Variants in TBC1D30 observed in about 807,000 individuals in gnomAD.
TBC1D30 encodes TBC1 domain family member 30.
In TBC1D30, 31 loss-of-function variants were observed where a neutral mutation model predicts 63.2. The observed-to-expected ratio is 0.49, with a 90% CI of 0.37 to 0.66. TBC1D30 has a LOEUF of 0.66. Ranked by LOEUF, TBC1D30 falls within the 30% of genes least tolerant of loss-of-function variation. The pLI, the probability that TBC1D30 is intolerant of heterozygous loss-of-function variation, is 0.00. For synonymous variants in TBC1D30, 307 were observed against 361.5 expected (o/e 0.85, Z 1.71); for missense variants, 810 against 953.6 (o/e 0.85, Z 1.98).
chr12:64,764,058 G>A (rs1402580455), intron 1 of TBC1D30, among the ~76,000 whole-genome samples: 1 of 152,170 alleles, frequency 6.6e-6, no homozygotes, highest in African/African-American at 2.4e-5. Context: ...TTACTTTGTT[G>A]AATAATGTCT....
At chr12:64,858,157 G>T (rs1287036697) in intron 8 of TBC1D30, among the ~76,000 whole-genome samples, 2 of 152,238 alleles carry the variant, frequency 1.3e-5, no homozygotes, top group African/African-American at 4.8e-5. Context: ...CATGAATGGT[G>T]TAAGCTTCCA....
intron 8 of TBC1D30, among the ~76,000 whole-genome samples, chr12:64,849,680 G>A (rs1248353569): frequency 6.6e-6 from 1 of 152,146 alleles, no homozygotes; most frequent in Admixed American, 6.6e-5. Flanking sequence ...CTGTAGCCTT[G>A]TAGTATAGTT....
In TBC1D30 at chr12:64,877,814, G is replaced by T. The variant is rs1446346883; in HGVS notation, c.*2026G>T. 6.6e-6 allele frequency: 1 copy of T among 152,368 alleles called. No homozygotes were observed. The highest frequency in any genetic ancestry group is 1.5e-5 in the Non-Finnish European group (1 of 68,180). 9.4% of individuals were successfully genotyped at this position (152,368 alleles called of 1,614,324 possible). On this transcript the variant is annotated 3_prime_UTR_variant, in exon 12 of 12. Transcript: ENST00000539867. ...TCTTTGCCCCTTCTCAAATGAGTCA[G>T]AATAGTCATGTTCCCCTTGAGGGAT... is the stretch of plus-strand genomic sequence containing the variant.
chr12:64,841,167 A>T (rs1875834270), intron 7 of TBC1D30, among the ~76,000 whole-genome samples: 1 of 152,254 alleles, frequency 6.6e-6, no homozygotes, highest in African/African-American at 2.4e-5. Flanking sequence ...AAAACCATAA[A>T]AGCATATAGG....
rs1874555079 is a variant in TBC1D30, at chr12:64,828,432, C to T, written c.217-12C>T. The T allele has an allele frequency of 3.9e-6, 6 of 1,533,754 alleles. No individual in the cohort carries two copies. Among genetic ancestry groups the T allele is most frequent in the Non-Finnish European group, 5.2e-6 (6 of 1,144,956 alleles). ...CTGTGATCACCTCCTGGGATTTCTT[C>T]TTTGTTCCTAGTGGTACGATGCTCT... On this transcript the variant is annotated splice_polypyrimidine_tract_variant and intron_variant, in intron 2 of 11. Coordinates refer to ENST00000539867, the MANE Select transcript of TBC1D30 (RefSeq NM_015279.2).
intron 2 of TBC1D30, among the ~76,000 whole-genome samples, chr12:64,812,478 C>T (rs1438406241): frequency 6.6e-6 from 1 of 152,166 alleles, no homozygotes; most frequent in South Asian, 2.1e-4. Context: ...TATTTCTCTT[C>T]CCACGATATA....
chr12:64,819,152 C>A (rs548222705), intron 2 of TBC1D30, among the ~76,000 whole-genome samples: 2 of 152,228 alleles, frequency 1.3e-5, no homozygotes, highest in Admixed American at 6.5e-5. Flanking sequence ...TAACAAAATA[C>A]AAAAGCTACA....
At chr12:64,764,304 G>T (rs1262185954) in intron 1 of TBC1D30, among the ~76,000 whole-genome samples, 3 of 152,018 alleles carry the variant, frequency 2.0e-5, no homozygotes, top group African/African-American at 7.3e-5. Flanking sequence ...ATTTTGACAT[G>T]TTTTTCCAAG....
At chr12:64,768,333 A>G (rs1003704976) in intron 1 of TBC1D30, 1 of 151,894 alleles carries the variant, frequency 6.6e-6, no homozygotes, top group Non-Finnish European at 1.5e-5. Flanking sequence ...GCTTTTCTGC[A>G]AATTCAATTG....
chr12:64,875,914 C>T lies in TBC1D30; in HGVS notation c.*126C>T, dbSNP rs1879040985. On this transcript the variant is annotated 3_prime_UTR_variant, in exon 12 of 12. Coordinates refer to ENST00000539867, the MANE Select transcript of TBC1D30 (RefSeq NM_015279.2). ...ATAGGTTCAGGGATGAGCAACAGCCCATAAAAAATGGGAACTGGAAGTTTT... is the reference window on the plus strand; with the variant it reads ...ATAGGTTCAGGGATGAGCAACAGCCTATAAAAAATGGGAACTGGAAGTTTT... 4.0e-6 allele frequency: 4 copies of T among 1,003,530 alleles called. No homozygotes were observed. The highest frequency in any genetic ancestry group is 5.5e-6 in the Non-Finnish European group (4 of 722,954). 62.2% of individuals were successfully genotyped at this position (1,003,530 alleles called of 1,614,324 possible). A position where few individuals can be genotyped will look rare whatever the true frequency, so the allele number is the denominator to read the frequency against.
chr12:64,838,183 G>A (rs1458047210), intron 6 of TBC1D30, among the ~76,000 whole-genome samples: 2 of 152,172 alleles, frequency 1.3e-5, no homozygotes, highest in African/African-American at 4.8e-5. Flanking sequence ...GGATTTGCCA[G>A]CTATCTTTCT....
At chr12:64,772,821 A>G (rs1287099065) in intron 1 of TBC1D30, among the ~76,000 whole-genome samples, 12 of 152,336 alleles carry the variant, frequency 7.9e-5, no homozygotes, top group Non-Finnish European at 2.9e-5. Context: ...AAAGAAAATC[A>G]CTTTAATACA....
At chr12:64,825,143 C>T (rs1409493868) in intron 1 of TBC1D30, 110 bp downstream of exon 1, 3 of 1,394,796 alleles carry the variant, frequency 2.2e-6, no homozygotes, top group East Asian at 2.6e-5. Context: ...GGAAAGTCCG[C>T]GTGCCACCTG....
intron 10 of TBC1D30, among the ~76,000 whole-genome samples, chr12:64,867,298 T>C (rs1342744507): frequency 6.6e-6 from 1 of 152,046 alleles, no homozygotes; most frequent in Non-Finnish European, 1.5e-5. Context: ...ACCCCGTCTC[T>C]ACTAAAAATA....
chr12:64,848,175 A>G (rs887513835), intron 8 of TBC1D30, among the ~76,000 whole-genome samples: 1 of 150,520 alleles, frequency 6.6e-6, no homozygotes, highest in Non-Finnish European at 1.5e-5. Flanking sequence ...CTTGAAATCT[A>G]TTTTTTCTGA....
chr12:64,876,079 A>C lies in TBC1D30; in HGVS notation c.*291A>C. The C allele has an allele frequency of 3.1e-6, 1 of 320,134 alleles. No homozygotes were observed. 19.8% of individuals were successfully genotyped at this position (320,134 alleles called of 1,614,324 possible). On this transcript the variant is annotated 3_prime_UTR_variant, in exon 12 of 12. Transcript: ENST00000539867. ...TTGTGAGCTGTTTAAAAAAGACTATATCTAGATTGTTAACTCTCGTCCATC... is the reference window on the plus strand; with the variant it reads ...TTGTGAGCTGTTTAAAAAAGACTATCTCTAGATTGTTAACTCTCGTCCATC...
In TBC1D30 at chr12:64,876,904, A is replaced by G. The variant is rs1250798477; in HGVS notation, c.*1116A>G. On this transcript the variant is annotated 3_prime_UTR_variant, in exon 12 of 12. Transcript: ENST00000539867. ...TATGCAGATGGGAACTCTGAGCCAC[A>G]CAGAGGTGAAGTAGCACTTCAGTTA... 4 of 456,042 alleles carry G rather than the reference A, an allele frequency of 8.8e-6. No individual in the cohort carries two copies. The highest frequency in any genetic ancestry group is 6.2e-5 in the South Asian group (4 of 64,542). The allele number at this position is 456,042 out of a possible 1,614,324, so 28.2% of individuals were successfully genotyped here.
chr12:64,844,834 T>TA (rs1237683361), intron 8 of TBC1D30, among the ~76,000 whole-genome samples: 2 of 152,096 alleles, frequency 1.3e-5, no homozygotes, highest in Non-Finnish European at 2.9e-5. Context: ...CATCCACAAA[T>TA]AAGCTCCCAC....
intron 2 of TBC1D30, among the ~76,000 whole-genome samples, chr12:64,808,719 A>G (rs1243619027): frequency 3.3e-5 from 5 of 152,110 alleles, no homozygotes; most frequent in Non-Finnish European, 7.4e-5. Context: ...CTCTGTGCCT[A>G]TTAAACAGTA....
Sources: gnomAD v4.1 joint callset for allele counts (sites outside exome capture counted in the v4.1 genomes callset) on GRCh38, gnomAD v4.1.1 for gene constraint, MANE v1.5 for transcripts, NCBI Gene and HGNC (gene_info 2026-07-23, HGNC 2026-07-21) for gene names.